CTTNBP2: variants seen among roughly 807,000 people sequenced by gnomAD.
CTTNBP2 encodes the protein cortactin-binding protein 2.
A neutral mutation model predicts 156.9 loss-of-function variants in CTTNBP2; 108 were observed. The ratio of observed to expected loss-of-function variants is 0.69; its 90% CI spans 0.59 to 0.81. The LOEUF is 0.81. Among genes scored for constraint, CTTNBP2 ranks in the 30% least tolerant of loss-of-function variants. The probability of loss-of-function intolerance (pLI) is 0.00; values close to 1 mark genes in which losing one functional copy is unlikely to be tolerated. For missense variants in CTTNBP2, 1,924 were observed against 2,035.4 expected (o/e 0.95, Z 1.05); for synonymous variants, 767 against 751.8 (o/e 1.02, Z -0.33).
At chr7:117,712,527 A>C (rs909212213) in intron 22 of CTTNBP2, 1 of 152,208 alleles carries the variant, frequency 6.6e-6, no homozygotes, top group Non-Finnish European at 1.5e-5. Flanking sequence ...CAAACATGAC[A>C]TGACTCCTAC....
rs758261777 is a variant in CTTNBP2 at position 117,735,287 on chromosome 7, G to A, written c.3670C>T (p.Pro1224Ser). The A allele has an allele frequency of 6.2e-7, 1 of 1,613,926 alleles. No individual in the cohort carries two copies. Among genetic ancestry groups the A allele is most frequent in the Non-Finnish European group, 8.5e-7 (1 of 1,179,970 alleles). Residue 1224 changes from proline (P) to serine (S), a missense_variant, in exon 15 of 23, where the codon CCC becomes TCC. Pro to Ser is a moderately conservative substitution (Grantham distance 74). Transcript: ENST00000160373. Reference sequence around the variant, plus strand: ...GCGTTACCTTTTTGGAAAGTGCAGGGGCTTTCAGTGCTGCGATTTTCAAGA... The same window carrying A: ...GCGTTACCTTTTTGGAAAGTGCAGGAGCTTTCAGTGCTGCGATTTTCAAGA... ...APLENRSTES[P>S]CTFQKGNGLS...
intron 3 of CTTNBP2, among the ~76,000 whole-genome samples, chr7:117,810,495 A>G (rs1800209200): frequency 6.6e-6 from 1 of 152,162 alleles, no homozygotes; most frequent in Non-Finnish European, 1.5e-5. Flanking sequence ...AAACATATAT[A>G]TAGAGAGAGA....
At chr7:117,865,154 A>G (rs1804081503) in intron 1 of CTTNBP2, among the ~76,000 whole-genome samples, 1 of 151,886 alleles carries the variant, frequency 6.6e-6, no homozygotes, top group Non-Finnish European at 1.5e-5. Context: ...GATAGAAGAC[A>G]GGACAGATTC....
intron 14 of CTTNBP2, among the ~76,000 whole-genome samples, chr7:117,744,864 T>C (rs1483931594): frequency 6.6e-6 from 1 of 152,242 alleles, no homozygotes; most frequent in Non-Finnish European, 1.5e-5. Context: ...GCCACTGTTC[T>C]ATCTTCCTAA....
intron 14 of CTTNBP2, among the ~76,000 whole-genome samples, chr7:117,744,318 T>C (rs1796195270): frequency 1.3e-5 from 2 of 152,084 alleles, no homozygotes; most frequent in Non-Finnish European, 2.9e-5. Flanking sequence ...CCCCACCTAC[T>C]CCCCAACACC....
chr7:117,845,514 A>G (rs1311712340), intron 2 of CTTNBP2, among the ~76,000 whole-genome samples: 4 of 150,190 alleles, frequency 2.7e-5, no homozygotes, highest in African/African-American at 1.0e-4. Flanking sequence ...TAATAATTAA[A>G]AAAAAGGATA....
At position 117,818,419 on chromosome 7, in the gene CTTNBP2, T is replaced by C. The variant is rs1047941555; in HGVS notation, c.190-7430A>G. On this transcript the variant is annotated intron_variant, in intron 2 of 22. Transcript: ENST00000160373. ...CAATGATACAAAAAGCCACAGCGGA[T>C]GGCAAAATGTTGAGTCAACTCTGAC... is the stretch of plus-strand genomic sequence containing the variant. Among the ~76,000 whole-genome samples, 16 of 152,270 alleles carry C rather than the reference T, an allele frequency of 1.1e-4. No homozygotes were observed. In the East Asian group the frequency reaches 2.9e-3, roughly 28 times the overall value.
chr7:117,839,890 C>CT (rs1309667303), intron 2 of CTTNBP2, among the ~76,000 whole-genome samples: 1 of 152,130 alleles, frequency 6.6e-6, no homozygotes, highest in Non-Finnish European at 1.5e-5. Context: ...ATAACTCTCC[C>CT]TACTAATAAT....
intron 2 of CTTNBP2, among the ~76,000 whole-genome samples, chr7:117,823,685 T>C (rs946425857): frequency 6.6e-6 from 1 of 152,160 alleles, no homozygotes; most frequent in African/African-American, 2.4e-5. Flanking sequence ...ACTGATTTCT[T>C]GCTCTTCTTG....
rs745575366 is a variant in CTTNBP2, at chr7:117,767,174, G to C, written c.2781C>G (p.Asn927Lys). The part of the protein sequence containing the change: ...AHIAASKGFK[N>K]CLEILCRHGG... Reference sequence around the variant, plus strand: ...CGTGCCTACACAAGATTTCTAGGCAGTTCTATAAAGACAAGAGCTCTATTA... The same window carrying C: ...CGTGCCTACACAAGATTTCTAGGCACTTCTATAAAGACAAGAGCTCTATTA... The change falls in exon 9 of 23, where the codon AAC becomes AAG. Residue 927 changes from asparagine (N) to lysine (K), a missense_variant and splice_region_variant. Asn to Lys is a moderately conservative substitution (Grantham distance 94). Coordinates refer to ENST00000160373, the MANE Select transcript of CTTNBP2 (RefSeq NM_033427.3). The C allele has an allele frequency of 1.3e-6, 2 of 1,555,552 alleles. No individual in the cohort carries two copies. Among genetic ancestry groups the C allele is most frequent in the East Asian group, 2.2e-5 (1 of 44,622 alleles).
intron 16 of CTTNBP2, among the ~76,000 whole-genome samples, chr7:117,732,468 G>A (rs1293742874): frequency 6.9e-6 from 1 of 145,716 alleles, no homozygotes; most frequent in African/African-American, 2.8e-5. Context: ...GGCTAACATG[G>A]TGAAACCCCG....
rs546232259 is a variant in CTTNBP2, at chr7:117,791,041, A to T, written c.2068+87T>A. 181 of 1,126,278 alleles carry T rather than the reference A, an allele frequency of 1.6e-4. No individual in the cohort carries two copies. In the African/African-American group the frequency reaches 2.5e-3, roughly 16 times the overall value. The allele number at this position is 1,126,278 out of a possible 1,614,324, so 69.8% of individuals were successfully genotyped here. ...GGGGAAGCATCAAATTTAAAAAAAA[A>T]GTTTCAAGGCAATGTGAAGAAAATC... On this transcript the variant is annotated intron_variant, in intron 4 of 22. Coordinates refer to ENST00000160373, the MANE Select transcript of CTTNBP2 (RefSeq NM_033427.3).
chr7:117,857,054 T>C (rs947239198), intron 2 of CTTNBP2, among the ~76,000 whole-genome samples: 1 of 152,224 alleles, frequency 6.6e-6, no homozygotes, highest in Non-Finnish European at 1.5e-5. Context: ...CCTATCTTGG[T>C]GTTCAGAAAA....
intron 4 of CTTNBP2, chr7:117,786,496 A>T (rs936919328): frequency 2.5e-6 from 1 of 392,202 alleles, no homozygotes; most frequent in African/African-American, 2.1e-5. Context: ...AAATGCATAA[A>T]CAGAGAAATT....
chr7:117,712,010 G>T (rs1221543849), intron 22 of CTTNBP2, among the ~76,000 whole-genome samples: 1 of 152,146 alleles, frequency 6.6e-6, no homozygotes, highest in Non-Finnish European at 1.5e-5. Context: ...AAATACAGGA[G>T]TCAGTGAATC....
At chr7:117,770,362 C>A (rs1797735967) in intron 8 of CTTNBP2, among the ~76,000 whole-genome samples, 2 of 152,284 alleles carry the variant, frequency 1.3e-5, no homozygotes, top group Admixed American at 1.3e-4. Flanking sequence ...GAATGTCAGT[C>A]CCCAGGAGAG....
chr7:117,871,026 G>A (rs1289693853), intron 1 of CTTNBP2, among the ~76,000 whole-genome samples: 1 of 152,194 alleles, frequency 6.6e-6, no homozygotes, highest in Non-Finnish European at 1.5e-5. Context: ...ATAGCCTACT[G>A]CTTTAGAGCT....
intron 16 of CTTNBP2, among the ~76,000 whole-genome samples, chr7:117,734,634 T>C (rs1420039405): frequency 6.6e-6 from 1 of 152,234 alleles, no homozygotes; most frequent in African/African-American, 2.4e-5. Flanking sequence ...AGAAGAGTGA[T>C]TAATTTTCTA....
At chr7:117,755,504 C>T (rs1380996409) in intron 12 of CTTNBP2, 5 of 466,638 alleles carry the variant, frequency 1.1e-5, no homozygotes, top group African/African-American at 2.0e-5. Flanking sequence ...GAGACTTGCA[C>T]AATCCTGGCT....
Sources: allele counts gnomAD v4.1 joint callset (sites outside exome capture counted in the v4.1 genomes callset), GRCh38; gene constraint gnomAD v4.1.1; transcripts MANE v1.5; gene names NCBI Gene and HGNC (gene_info 2026-07-23, HGNC 2026-07-21).